The following LRMDA variants were observed in gnomAD, a reference collection of about 807,000 sequenced individuals.
The protein encoded by LRMDA is leucine-rich melanocyte differentiation-associated protein.
LRMDA carries 18 observed loss-of-function variants against 29.8 expected under a neutral mutation model. The ratio of observed to expected loss-of-function variants is 0.60; its 90% CI spans 0.42 to 0.90. The LOEUF (loss-of-function observed/expected upper bound fraction) is 0.90. LRMDA is among the 40% of genes least tolerant of loss of function. The probability of loss-of-function intolerance (pLI) is 0.00; values close to 1 mark genes in which losing one functional copy is unlikely to be tolerated. For synonymous variants in LRMDA, 125 were observed against 109.4 expected (o/e 1.14, Z -0.89); for missense variants, 273 against 273.9 (o/e 1.00, Z 0.02).
At chr10:75,580,241 A>C (rs1421264435) in intron 2 of LRMDA, among the ~76,000 whole-genome samples, 1 of 152,270 alleles carries the variant, frequency 6.6e-6, no homozygotes, top group South Asian at 2.1e-4. Flanking sequence ...ATACAAAATC[A>C]GTGTGCAAAA....
chr10:75,739,626 TAAA>T (rs1842806241), intron 2 of LRMDA, among the ~76,000 whole-genome samples: 1 of 152,208 alleles, frequency 6.6e-6, no homozygotes, highest in Non-Finnish European at 1.5e-5. Context: ...GAATCAACTG[TAAA>T]AATTTATTGG....
chr10:76,522,215 A>C (rs1843128370), intron 6 of LRMDA, among the ~76,000 whole-genome samples: 1 of 151,672 alleles, frequency 6.6e-6, no homozygotes, highest in Admixed American at 6.5e-5. Context: ...TTCACAAAAC[A>C]TAAGCTATTT....
chr10:75,524,543 C>T (rs1453730068), intron 2 of LRMDA, among the ~76,000 whole-genome samples: 1 of 152,116 alleles, frequency 6.6e-6, no homozygotes, highest in Non-Finnish European at 1.5e-5. Flanking sequence ...TTAGGCTCTC[C>T]TTTCTCCTTT....
intron 2 of LRMDA, among the ~76,000 whole-genome samples, chr10:75,856,811 A>C (rs1647670273): frequency 6.6e-6 from 1 of 152,152 alleles, no homozygotes. Context: ...TATTCAACAT[A>C]GTGTTGGAAG....
chr10:75,595,057 G>C (rs1840769745), intron 2 of LRMDA, among the ~76,000 whole-genome samples: 1 of 152,122 alleles, frequency 6.6e-6, no homozygotes, highest in Non-Finnish European at 1.5e-5. Flanking sequence ...CTATGTAGTT[G>C]TTTTGGCTTA....
intron 5 of LRMDA, among the ~76,000 whole-genome samples, chr10:76,290,379 A>G (rs1840324178): frequency 6.8e-6 from 1 of 147,518 alleles, no homozygotes; most frequent in Non-Finnish European, 1.5e-5. Context: ...TGACAATCTT[A>G]TAAGTAACTG....
rs555602636 is a variant in LRMDA, at chr10:76,441,700, C to G, written c.602-115509C>G. ...TGTGGATGTGCGAGGCTCTGCCCCC[C>G]TCTCCTCTCCCCAGCTGTGTACCTC... On this transcript the variant is annotated intron_variant, in intron 6 of 6. Transcript: ENST00000611255. Among the ~76,000 whole-genome samples, 28 of 152,300 alleles carry G rather than the reference C, an allele frequency of 1.8e-4. No individual in the cohort carries two copies. The South Asian group carries it at 3.7e-3, about 20-fold the overall frequency.
chr10:76,123,950 A>G (rs1849833849), intron 5 of LRMDA, among the ~76,000 whole-genome samples: 1 of 152,138 alleles, frequency 6.6e-6, no homozygotes, highest in Admixed American at 6.5e-5. Context: ...ACTATTACCA[A>G]AGAGGCAACA....
At chr10:76,381,028 T>G (rs1841585053) in intron 6 of LRMDA, among the ~76,000 whole-genome samples, 1 of 43,512 alleles carries the variant, frequency 2.3e-5, no homozygotes, top group East Asian at 2.7e-4. Flanking sequence ...TTGCTTTTTT[T>G]TTTTTTTTTT....
chr10:75,436,327 G>A (rs1409733440), intron 1 of LRMDA, among the ~76,000 whole-genome samples: 2 of 152,056 alleles, frequency 1.3e-5, no homozygotes, highest in Admixed American at 1.3e-4. Flanking sequence ...AAAACTCAAC[G>A]TCTCTGCTAT....
chr10:75,570,029 T>C (rs892777481), intron 2 of LRMDA, among the ~76,000 whole-genome samples: 1 of 152,214 alleles, frequency 6.6e-6, no homozygotes, highest in African/African-American at 2.4e-5. Flanking sequence ...ATATTAGCAA[T>C]AGCTTATATT....
intron 2 of LRMDA, among the ~76,000 whole-genome samples, chr10:75,628,487 A>C (rs6480790): frequency 0.77 from 117,129 of 152,148 alleles, 45,299 homozygotes; most frequent in African/African-American, 0.84. Flanking sequence ...TTTTCCAGCT[A>C]TGAACCTGAT....
At chr10:76,224,854 C>A (rs1034857918) in intron 5 of LRMDA, among the ~76,000 whole-genome samples, 2 of 151,852 alleles carry the variant, frequency 1.3e-5, no homozygotes, top group African/African-American at 4.8e-5. Flanking sequence ...GATATTGTGT[C>A]CTTCCTTGTC....
At position 75,996,777 on chromosome 10, in the gene LRMDA, G is replaced by C. The variant is rs567379036; in HGVS notation, c.132-39231G>C. ...AGACGGAGTCTCGGTCTGTCGTCCA[G>C]GCTGGAGTGCAGTGGCGTCATCTTG... On this transcript the variant is annotated intron_variant, in intron 2 of 6. Transcript: ENST00000611255. 8.0e-5 allele frequency among the ~76,000 whole-genome samples: 12 copies of C among 150,070 alleles called. No homozygotes were observed. In the South Asian group the frequency reaches 2.3e-3, roughly 29 times the overall value.
intron 2 of LRMDA, among the ~76,000 whole-genome samples, chr10:75,955,060 A>T (rs1846641564): frequency 6.6e-6 from 1 of 152,260 alleles, no homozygotes; most frequent in Admixed American, 6.5e-5. Flanking sequence ...TCAGTGTTAC[A>T]TAAAATCATG....
intron 6 of LRMDA, among the ~76,000 whole-genome samples, chr10:76,420,430 C>A (rs1226722028): frequency 6.6e-6 from 1 of 151,860 alleles, no homozygotes; most frequent in Non-Finnish European, 1.5e-5. Context: ...CTATTTTACT[C>A]TTGAGCAGTC....
At chr10:76,057,789 T>C (rs1228465610) in intron 4 of LRMDA, among the ~76,000 whole-genome samples, 1 of 152,220 alleles carries the variant, frequency 6.6e-6, no homozygotes, top group Non-Finnish European at 1.5e-5. Flanking sequence ...TGTTGGACTA[T>C]GGAACTTGAT....
chr10:76,040,038 T>G (rs553346386), intron 3 of LRMDA, among the ~76,000 whole-genome samples: 8 of 152,310 alleles, frequency 5.3e-5, no homozygotes, highest in Non-Finnish European at 1.2e-4. Flanking sequence ...ATAATTACTC[T>G]CATTTTTATG....
chr10:76,459,798 A>G (rs1319796167), intron 6 of LRMDA, among the ~76,000 whole-genome samples: 3 of 151,746 alleles, frequency 2.0e-5, no homozygotes, highest in African/African-American at 7.3e-5. Context: ...ATTATACTTT[A>G]AGTTTTGGGG....
Sources: allele counts gnomAD v4.1 joint callset (sites outside exome capture counted in the v4.1 genomes callset), GRCh38; gene constraint gnomAD v4.1.1; transcripts MANE v1.5; gene names NCBI Gene and HGNC (gene_info 2026-07-23, HGNC 2026-07-21).